METTL8: variants seen among roughly 807,000 people sequenced by gnomAD.
The protein encoded by METTL8 is methyltransferase 8, tRNA N3-cytidine, also known as tRNA N(3)-cytidine methyltransferase METTL8, mitochondrial.
Under a neutral mutation model 48.7 loss-of-function variants are expected in METTL8, and 32 were observed. The ratio of observed to expected loss-of-function variants is 0.66; its 90% CI spans 0.50 to 0.88. The LOEUF (loss-of-function observed/expected upper bound fraction) is 0.88. METTL8 is among the 40% of genes least tolerant of loss of function. The pLI, the probability that METTL8 is intolerant of heterozygous loss-of-function variation, is 0.00. For synonymous variants in METTL8, 136 were observed against 157.1 expected (o/e 0.87, Z 1.01); for missense variants, 464 against 474.4 (o/e 0.98, Z 0.20).
intron 7 of METTL8, among the ~76,000 whole-genome samples, chr2:171,327,357 G>C (rs923059115): frequency 2.0e-5 from 3 of 152,180 alleles, no homozygotes; most frequent in Non-Finnish European, 4.4e-5. Flanking sequence ...GCTGCCTACA[G>C]AGCTCTGAGA....
intron 3 of METTL8, among the ~76,000 whole-genome samples, chr2:171,342,289 T>C (rs112775209): frequency 4.3e-4 from 66 of 152,372 alleles, no homozygotes; most frequent in African/African-American, 1.6e-3. Flanking sequence ...AACTCCCATC[T>C]GTATTTAAGG....
intron 3 of METTL8, among the ~76,000 whole-genome samples, chr2:171,353,368 G>A (rs1360892830): frequency 2.0e-5 from 3 of 152,170 alleles, no homozygotes; most frequent in Admixed American, 6.6e-5. Flanking sequence ...TACATTTGCC[G>A]AGGAGTGCTT....
intron 5 of METTL8, among the ~76,000 whole-genome samples, chr2:171,333,327 A>T (rs1430930075): frequency 6.6e-6 from 1 of 152,094 alleles, no homozygotes; most frequent in Non-Finnish European, 1.5e-5. Flanking sequence ...TGAACTCCTG[A>T]CCTCAGGTGA....
At chr2:171,328,190 C>T (rs1685151992) in intron 7 of METTL8, among the ~76,000 whole-genome samples, 3 of 152,170 alleles carry the variant, frequency 2.0e-5, no homozygotes, top group Admixed American at 2.0e-4. Context: ...GCCAACTCTG[C>T]TGTCTTCACT....
rs1365737720 is a variant in METTL8, at chr2:171,397,377, A to AC, written c.-12-5181_-12-5180insG. ...TAAAAAAAAAAAAAAAAAAAAAAAA[A>AC]AACAACATCAACAACAACAAAAAAC... On this transcript the variant is annotated intron_variant, in intron 1 of 9. Transcript: ENST00000375258. 6.2e-4 allele frequency among the ~76,000 whole-genome samples: 90 copies of AC among 144,260 alleles called. 3 individuals carry two copies. Among genetic ancestry groups the AC allele is most frequent in the East Asian group, 8.0e-4 (4 of 4,992 alleles). 94.6% of individuals were successfully genotyped at this position (144,260 alleles called of 152,430 possible). A position where few individuals can be genotyped will look rare whatever the true frequency, so the allele number is the denominator to read the frequency against.
intron 7 of METTL8, among the ~76,000 whole-genome samples, chr2:171,327,297 A>G (rs531641254): frequency 6.6e-6 from 1 of 152,334 alleles, no homozygotes; most frequent in Admixed American, 6.5e-5. Context: ...ATTATGGGCC[A>G]GGGATGGCAT....
In METTL8 at chr2:171,318,488, G is replaced by A. The variant is rs1454268634; in HGVS notation, c.*5684C>T. ...AGAATGCTTTTTTTCTTTAAGCGAGGAGTATGCAAGTGAGAGTGCTCTGCG... is the reference window on the plus strand; with the variant it reads ...AGAATGCTTTTTTTCTTTAAGCGAGAAGTATGCAAGTGAGAGTGCTCTGCG... On this transcript the variant is annotated 3_prime_UTR_variant, in exon 10 of 10. Transcript: ENST00000375258. 6.6e-6 allele frequency: 1 copy of A among 152,172 alleles called. No individual in the cohort carries two copies. The highest frequency in any genetic ancestry group is 1.9e-4 in the East Asian group (1 of 5,202). The allele number at this position is 152,172 out of a possible 1,614,324, so 9.4% of individuals were successfully genotyped here.
chr2:171,419,224 G>T (rs1264864321), intron 1 of METTL8, among the ~76,000 whole-genome samples: 3 of 152,094 alleles, frequency 2.0e-5, no homozygotes, highest in Non-Finnish European at 4.4e-5. Flanking sequence ...TGTGTTCCTT[G>T]CTACTAGGTT....
chr2:171,389,929 T>C (rs1688434160), intron 2 of METTL8, among the ~76,000 whole-genome samples: 1 of 152,216 alleles, frequency 6.6e-6, no homozygotes, highest in Non-Finnish European at 1.5e-5. Flanking sequence ...CAGCTTTCTA[T>C]TGGAAGAAGA....
intron 2 of METTL8, among the ~76,000 whole-genome samples, chr2:171,389,008 C>A (rs1385966777): frequency 6.6e-6 from 1 of 152,090 alleles, no homozygotes; most frequent in Non-Finnish European, 1.5e-5. Context: ...CTCCCTGAGA[C>A]AAAACAATAA....
At chr2:171,421,028 T>C (rs188871552) in intron 1 of METTL8, among the ~76,000 whole-genome samples, 545 of 152,232 alleles carry the variant, frequency 3.6e-3, no homozygotes, top group Non-Finnish European at 5.6e-3. Context: ...AACACTGCAA[T>C]GGAGGTCTTG....
intron 1 of METTL8, among the ~76,000 whole-genome samples, chr2:171,421,786 G>C (rs1264206228): frequency 6.6e-6 from 1 of 152,176 alleles, no homozygotes; most frequent in African/African-American, 2.4e-5. Context: ...AGGGTCAACT[G>C]AAAGACTTGA....
chr2:171,425,948 G>C (rs982405459), intron 1 of METTL8, among the ~76,000 whole-genome samples: 1 of 152,062 alleles, frequency 6.6e-6, no homozygotes, highest in African/African-American at 2.4e-5. Context: ...CATGAAGTCA[G>C]GTGTTCGAGA....
intron 3 of METTL8, among the ~76,000 whole-genome samples, chr2:171,355,040 G>T (rs143381935): frequency 0.024 from 3,669 of 152,314 alleles, 62 homozygotes; most frequent in Middle Eastern, 0.048. Flanking sequence ...AGGAGAAGAG[G>T]CGCTCTGATT....
In METTL8 at chr2:171,433,706, A is replaced by G. The variant is rs16859388; in HGVS notation, c.-13+177T>C. On this transcript the variant is annotated intron_variant, in intron 1 of 9. Coordinates refer to ENST00000375258, the MANE Select transcript of METTL8 (RefSeq NM_001321154.2). ...AATGAAATGAAGCAATTATCGCAAA[A>G]CCAGTCAGTGTCCCCGCAGGCCACC... is the stretch of plus-strand genomic sequence containing the variant. Among the ~76,000 whole-genome samples, 251 of 152,364 alleles carry G rather than the reference A, an allele frequency of 1.6e-3. 6 individuals are homozygous for G. The East Asian group carries it at 0.045, about 27-fold the overall frequency.
intron 3 of METTL8, among the ~76,000 whole-genome samples, chr2:171,341,138 A>G (rs1455037859): frequency 2.0e-5 from 3 of 151,318 alleles, no homozygotes; most frequent in East Asian, 2.0e-4. Flanking sequence ...GACCAGCCTG[A>G]CCAACATGGT....
chr2:171,335,253 A>C (rs1344785100), intron 5 of METTL8, among the ~76,000 whole-genome samples: 1 of 152,196 alleles, frequency 6.6e-6, no homozygotes, highest in African/African-American at 2.4e-5. Context: ...CTCACTATTC[A>C]TTATGTTAGG....
intron 4 of METTL8, 93 bp downstream of exon 4, chr2:171,339,091 A>G: frequency 8.7e-7 from 1 of 1,152,286 alleles, no homozygotes; most frequent in Admixed American, 2.6e-5. Context: ...ATAGTTTTCC[A>G]CCAAAAAAAA....
chr2:171,359,421 T>C (rs950082103), intron 3 of METTL8, among the ~76,000 whole-genome samples: 1 of 152,164 alleles, frequency 6.6e-6, no homozygotes, highest in Non-Finnish European at 1.5e-5. Flanking sequence ...GGTGGGAATG[T>C]AAATTAGTAT....
Sources: gnomAD v4.1 joint callset for allele counts (sites outside exome capture counted in the v4.1 genomes callset) on GRCh38, gnomAD v4.1.1 for gene constraint, MANE v1.5 for transcripts, NCBI Gene and HGNC (gene_info 2026-07-23, HGNC 2026-07-21) for gene names.